Variants in GRIP1 observed in about 807,000 individuals in gnomAD.
GRIP1 encodes glutamate receptor-interacting protein 1.
In GRIP1, 45 loss-of-function variants were observed where a neutral mutation model predicts 129.9. The ratio of observed to expected loss-of-function variants is 0.35; its 90% CI spans 0.27 to 0.44. The LOEUF (loss-of-function observed/expected upper bound fraction) is 0.44, where lower values mean the gene tolerates loss of function less well. Ranked by LOEUF, GRIP1 falls within the 20% of genes least tolerant of loss-of-function variation. The pLI, the probability that GRIP1 is intolerant of heterozygous loss-of-function variation, is 1.00. For missense variants in GRIP1, 1,196 were observed against 1,396.8 expected (o/e 0.86, Z 2.29); for synonymous variants, 530 against 520.8 (o/e 1.02, Z -0.24).
At chr12:66,972,502 G>T (rs2042088995) in intron 1 of GRIP1, among the ~76,000 whole-genome samples, 1 of 152,190 alleles carries the variant, frequency 6.6e-6, no homozygotes, top group Non-Finnish European at 1.5e-5. Flanking sequence ...CACTTGAAAT[G>T]TGCCTACTAT....
intron 1 of GRIP1, among the ~76,000 whole-genome samples, chr12:67,035,185 C>T (rs1410216808): frequency 1.3e-5 from 2 of 152,110 alleles, no homozygotes; most frequent in East Asian, 1.9e-4. Context: ...AATGTAATAC[C>T]AGCCTACCAC....
intron 1 of GRIP1, among the ~76,000 whole-genome samples, chr12:66,723,325 T>C (rs2036151710): frequency 8.0e-5 from 8 of 99,528 alleles, no homozygotes; most frequent in African/African-American, 3.1e-4. Context: ...TTTTTTTTTT[T>C]TTTTTGAGAC....
At chr12:66,848,783 G>A (rs2039862096) in intron 1 of GRIP1, among the ~76,000 whole-genome samples, 1 of 152,016 alleles carries the variant, frequency 6.6e-6, no homozygotes, top group South Asian at 2.1e-4. Context: ...TAAGAAAACT[G>A]ATTGAGAGTC....
chr12:66,884,539 T>C (rs1275368780), intron 1 of GRIP1, among the ~76,000 whole-genome samples: 1 of 152,184 alleles, frequency 6.6e-6, no homozygotes, highest in African/African-American at 2.4e-5. Flanking sequence ...GATATTACTA[T>C]TCAGCAGAAC....
intron 1 of GRIP1, among the ~76,000 whole-genome samples, chr12:66,961,358 A>G (rs1186634390): frequency 6.6e-6 from 1 of 152,186 alleles, no homozygotes; most frequent in Non-Finnish European, 1.5e-5. Context: ...GTAGGAAAAA[A>G]AAGGATGAAT....
chr12:67,003,285 G>T (rs2042578517), intron 1 of GRIP1, among the ~76,000 whole-genome samples: 1 of 152,118 alleles, frequency 6.6e-6, no homozygotes, highest in Non-Finnish European at 1.5e-5. Flanking sequence ...TGGATAAATT[G>T]TTGTACTTAG....
chr12:66,917,668 T>C (rs2041146566), intron 1 of GRIP1, among the ~76,000 whole-genome samples: 2 of 152,180 alleles, frequency 1.3e-5, no homozygotes, highest in Non-Finnish European at 2.9e-5. Flanking sequence ...ATTTACTGCA[T>C]TAATTTCAAT....
intron 7 of GRIP1, among the ~76,000 whole-genome samples, chr12:66,509,224 G>A (rs1565811092): frequency 1.3e-5 from 2 of 152,142 alleles, no homozygotes; most frequent in Non-Finnish European, 2.9e-5. Context: ...CATAATAGGA[G>A]ACTTGAGGTT....
chr12:66,580,146 C>T lies in GRIP1; in HGVS notation c.136+16701G>A, dbSNP rs1386232317. ...GAATTTTCAACCCAGAATTTCATAT[C>T]CAGCCAAACTAAGCTTCATAAGTGA... On this transcript the variant is annotated intron_variant, in intron 2 of 24. Coordinates refer to ENST00000359742, the MANE Select transcript of GRIP1 (RefSeq NM_001366722.1). Among the ~76,000 whole-genome samples, 3 of 146,602 alleles carry T rather than the reference C, an allele frequency of 2.0e-5. No individual in the cohort carries two copies. In the East Asian group the frequency reaches 6.0e-4, roughly 29 times the overall value.
chr12:66,490,436 T>C (rs775155801), intron 7 of GRIP1, among the ~76,000 whole-genome samples: 12 of 152,144 alleles, frequency 7.9e-5, no homozygotes, highest in South Asian at 2.1e-4. Context: ...AGGCAGAAAA[T>C]TGAAACTGGA....
In GRIP1 at chr12:66,810,502, G is replaced by A. The variant is rs2136950153; in HGVS notation, c.59-213575C>T. Among the ~76,000 whole-genome samples, 2 of 152,270 alleles carry A rather than the reference G, an allele frequency of 1.3e-5. 1 individual carries two copies. The highest frequency in any genetic ancestry group is 4.1e-4 in the South Asian group (2 of 4,822). ...GAACCTGGGAGGCAGAGGTTGCAGT[G>A]AGCGAGATCACGCCACTGCACTCCA... On this transcript the variant is annotated intron_variant, in intron 1 of 1. Coordinates refer to the GRIP1 transcript ENST00000643019.
chr12:66,926,114 T>C (rs1592352531), intron 1 of GRIP1, among the ~76,000 whole-genome samples: 1 of 152,162 alleles, frequency 6.6e-6, no homozygotes, highest in East Asian at 1.9e-4. Flanking sequence ...ACTGAAACAT[T>C]CTGCAAGGAG....
intron 1 of GRIP1, among the ~76,000 whole-genome samples, chr12:66,942,529 T>C (rs1490481297): frequency 6.6e-6 from 1 of 152,188 alleles, no homozygotes; most frequent in Non-Finnish European, 1.5e-5. Flanking sequence ...TTTTAAATAG[T>C]CTGTGGGTGT....
intron 2 of GRIP1, among the ~76,000 whole-genome samples, chr12:66,555,309 C>T (rs1290692766): frequency 6.6e-6 from 1 of 152,150 alleles, no homozygotes; most frequent in Non-Finnish European, 1.5e-5. Flanking sequence ...CAAGATGATG[C>T]CTCTATGAGT....
chr12:67,040,221 C>A (rs894897997), intron 1 of GRIP1, among the ~76,000 whole-genome samples: 12 of 129,614 alleles, frequency 9.3e-5, no homozygotes, highest in Non-Finnish European at 2.0e-4. Context: ...CCACCCCCAC[C>A]CCCCCAGCAA....
chr12:66,490,758 A>C (rs2138665986), intron 7 of GRIP1, among the ~76,000 whole-genome samples: 1 of 152,290 alleles, frequency 6.6e-6, no homozygotes, highest in African/African-American at 2.4e-5. Context: ...GAACTAAAAC[A>C]AATTTATAAG....
At position 66,480,262 on chromosome 12, in the gene GRIP1, C is replaced by T. The variant is rs181449190; in HGVS notation, c.725-14840G>A. Among the ~76,000 whole-genome samples, 125 of 152,134 alleles carry T rather than the reference C, an allele frequency of 8.2e-4. 1 individual carries two copies. Among genetic ancestry groups the T allele is most frequent in the African/African-American group, 2.9e-3 (119 of 41,526 alleles). On this transcript the variant is annotated intron_variant, in intron 7 of 24. Transcript: ENST00000359742. The stretch of plus-strand genomic sequence containing the variant: ...CAATGTGCAAAAATAACAAGCATTC[C>T]TATACACCAATAATAGAAAGCCAAA...
At chr12:66,471,770 T>C (rs536166833) in intron 7 of GRIP1, among the ~76,000 whole-genome samples, 73 of 152,320 alleles carry the variant, frequency 4.8e-4, no homozygotes, top group African/African-American at 1.6e-3. Context: ...CATTTTATGA[T>C]AGGATGCAGA....
chr12:66,400,360 A>G (rs1397615202), intron 16 of GRIP1, among the ~76,000 whole-genome samples: 1 of 151,870 alleles, frequency 6.6e-6, no homozygotes, highest in East Asian at 1.9e-4. Flanking sequence ...TTGCCAACAC[A>G]CCTCTTTCCA....
Sources: gnomAD v4.1 joint callset for allele counts (sites outside exome capture counted in the v4.1 genomes callset) on GRCh38, gnomAD v4.1.1 for gene constraint, MANE v1.5 for transcripts, NCBI Gene and HGNC (gene_info 2026-07-23, HGNC 2026-07-21) for gene names.